PRKG1: variants seen among roughly 807,000 people sequenced by gnomAD.
PRKG1 encodes protein kinase cGMP-dependent 1, also known as cGMP-dependent protein kinase 1.
PRKG1 carries 35 observed loss-of-function variants against 88.1 expected under a neutral mutation model. That is an observed-to-expected ratio of 0.40 (90% CI 0.30 to 0.53). The LOEUF (loss-of-function observed/expected upper bound fraction) is 0.53, where lower values mean the gene tolerates loss of function less well. PRKG1 is among the 20% of genes least tolerant of loss of function. The pLI, the probability that PRKG1 is intolerant of heterozygous loss-of-function variation, is 0.59. For missense variants in PRKG1, 540 were observed against 839.8 expected (o/e 0.64, Z 4.41); for synonymous variants, 303 against 292.5 (o/e 1.04, Z -0.37).
chr10:52,076,279 G>T (rs565980023), intron 7 of PRKG1, among the ~76,000 whole-genome samples: 1 of 152,180 alleles, frequency 6.6e-6, no homozygotes, highest in African/African-American at 2.4e-5. Context: ...AAAAGGGGCC[G>T]GGCCCAGTGG....
chr10:51,754,121 C>A (rs1381305565), intron 3 of PRKG1, among the ~76,000 whole-genome samples: 1 of 152,028 alleles, frequency 6.6e-6, no homozygotes, highest in Non-Finnish European at 1.5e-5. Context: ...TGGATTTAGC[C>A]ATTCCTCTAG....
At chr10:51,100,939 T>C (rs1844664584) in intron 1 of PRKG1, among the ~76,000 whole-genome samples, 1 of 152,220 alleles carries the variant, frequency 6.6e-6, no homozygotes, top group South Asian at 2.1e-4. Context: ...CTTCTTTCTA[T>C]GCCTCTTGTC....
chr10:51,298,917 AT>A (rs1384397656), intron 2 of PRKG1, among the ~76,000 whole-genome samples: 5 of 152,206 alleles, frequency 3.3e-5, no homozygotes, highest in Non-Finnish European at 5.9e-5. Context: ...CAAAGATCAT[AT>A]GGTTGCATAA....
chr10:51,693,420 T>C (rs1023686171), intron 3 of PRKG1, among the ~76,000 whole-genome samples: 36 of 49,302 alleles, frequency 7.3e-4, no homozygotes, highest in African/African-American at 2.8e-3. Context: ...CATTTTATTT[T>C]GAGACAGAGT....
chr10:51,604,087 G>A (rs1589123694), intron 3 of PRKG1, among the ~76,000 whole-genome samples: 1 of 91,522 alleles, frequency 1.1e-5, no homozygotes, highest in Non-Finnish European at 2.3e-5. Flanking sequence ...TCTGGTCCCT[G>A]CCTTTTTTTT....
intron 2 of PRKG1, among the ~76,000 whole-genome samples, chr10:51,172,103 A>G (rs1231274892): frequency 1.3e-5 from 2 of 152,098 alleles, no homozygotes; most frequent in Admixed American, 1.3e-4. Flanking sequence ...GTATTTACCT[A>G]ACACATTTGC....
chr10:51,583,293 T>G lies in PRKG1; in HGVS notation c.592+115457T>G, dbSNP rs148276848. Among the ~76,000 whole-genome samples the G allele has an allele frequency of 2.0e-4, 30 of 152,244 alleles. No homozygotes were observed. In the East Asian group the frequency reaches 5.8e-3, roughly 29 times the overall value. On this transcript the variant is annotated intron_variant, in intron 3 of 17. Coordinates refer to ENST00000373980, the MANE Select transcript of PRKG1 (RefSeq NM_006258.4). Reference sequence around the variant, plus strand: ...TCTCCATTATATGAATTTAGGCAATTTCTTGACTTCTCTGAGTCTTTTCTG... The same window carrying G: ...TCTCCATTATATGAATTTAGGCAATGTCTTGACTTCTCTGAGTCTTTTCTG...
chr10:51,867,582 G>T (rs1028155144), intron 4 of PRKG1, among the ~76,000 whole-genome samples: 1 of 152,058 alleles, frequency 6.6e-6, no homozygotes, highest in Admixed American at 6.6e-5. Flanking sequence ...TAAATGTGGG[G>T]GAAGCAAGGG....
intron 4 of PRKG1, among the ~76,000 whole-genome samples, chr10:51,881,906 G>A: frequency 6.6e-6 from 1 of 152,090 alleles, no homozygotes; most frequent in Admixed American, 6.5e-5. Flanking sequence ...GGCAAGACCA[G>A]GCACCAACTG....
At chr10:51,746,369 T>A (rs927131104) in intron 3 of PRKG1, among the ~76,000 whole-genome samples, 14 of 151,896 alleles carry the variant, frequency 9.2e-5, no homozygotes, top group African/African-American at 3.4e-4. Flanking sequence ...TGGGCCATTC[T>A]CACCTCTATC....
At chr10:51,538,059 G>A (rs1158274595) in intron 3 of PRKG1, among the ~76,000 whole-genome samples, 2 of 152,122 alleles carry the variant, frequency 1.3e-5, no homozygotes, top group Non-Finnish European at 2.9e-5. Flanking sequence ...TAAACATTGA[G>A]TAAGTGTCAA....
chr10:51,870,851 C>T (rs943238486), intron 4 of PRKG1, among the ~76,000 whole-genome samples: 1 of 152,130 alleles, frequency 6.6e-6, no homozygotes, highest in Non-Finnish European at 1.5e-5. Context: ...ACTGAAGATC[C>T]AACTCAGAAA....
intron 9 of PRKG1, among the ~76,000 whole-genome samples, chr10:52,240,306 T>A (rs962406085): frequency 3.3e-5 from 5 of 152,072 alleles, no homozygotes; most frequent in African/African-American, 9.7e-5. Flanking sequence ...AGTCTAATCA[T>A]GAGAAAAACA....
intron 3 of PRKG1, among the ~76,000 whole-genome samples, chr10:51,628,831 C>T (rs1394722407): frequency 1.3e-5 from 2 of 151,754 alleles, no homozygotes; most frequent in Non-Finnish European, 2.9e-5. Flanking sequence ...CGGTGGCGGG[C>T]GCCTGTGGTC....
chr10:51,957,052 C>T (rs1307414321), intron 5 of PRKG1, among the ~76,000 whole-genome samples: 1 of 144,450 alleles, frequency 6.9e-6, no homozygotes, highest in Non-Finnish European at 1.5e-5. Context: ...TCCTTTCTTC[C>T]CTCCCTCCCC....
chr10:51,720,930 G>A (rs889339266), intron 3 of PRKG1, among the ~76,000 whole-genome samples: 1 of 152,050 alleles, frequency 6.6e-6, no homozygotes, highest in Admixed American at 6.6e-5. Flanking sequence ...GGCTGGGGGT[G>A]TTGGCTCACA....
intron 3 of PRKG1, among the ~76,000 whole-genome samples, chr10:51,574,396 T>G (rs779513889): frequency 2.0e-5 from 3 of 151,874 alleles, no homozygotes; most frequent in African/African-American, 2.4e-5. Context: ...TTTTAAAAAT[T>G]GAAATGTTGC....
chr10:51,003,548 T>C (rs928149386), intron 1 of PRKG1, among the ~76,000 whole-genome samples: 4 of 152,258 alleles, frequency 2.6e-5, no homozygotes, highest in African/African-American at 9.6e-5. Context: ...GTGATACTTA[T>C]GAGCATACGC....
At chr10:51,609,048 G>A (rs966043059) in intron 3 of PRKG1, among the ~76,000 whole-genome samples, 7 of 151,656 alleles carry the variant, frequency 4.6e-5, no homozygotes, top group African/African-American at 1.7e-4. Context: ...AAGTAAAAAA[G>A]TTATAATAAG....
Sources: gnomAD v4.1 joint callset for allele counts (sites outside exome capture counted in the v4.1 genomes callset) on GRCh38, gnomAD v4.1.1 for gene constraint, MANE v1.5 for transcripts, NCBI Gene and HGNC (gene_info 2026-07-23, HGNC 2026-07-21) for gene names.